The following PDZRN4 variants were observed in gnomAD, a reference collection of about 807,000 sequenced individuals.
PDZRN4 encodes the protein PDZ domain containing ring finger 4, also known as PDZ domain-containing RING finger protein 4.
Under a neutral mutation model 99.0 loss-of-function variants are expected in PDZRN4, and 70 were observed. That is an observed-to-expected ratio of 0.71 (90% confidence interval 0.58 to 0.86). The LOEUF (loss-of-function observed/expected upper bound fraction) is 0.86, where lower values mean the gene tolerates loss of function less well. Ranked by LOEUF, PDZRN4 falls within the 40% of genes least tolerant of loss-of-function variation. The probability of loss-of-function intolerance (pLI) is 0.00; values close to 1 mark genes in which losing one functional copy is unlikely to be tolerated. For synonymous variants in PDZRN4, 551 were observed against 501.6 expected, an observed-to-expected ratio of 1.10 and a Z score of -1.32; for missense variants, 1,474 against 1,331.2, an observed-to-expected ratio of 1.11 and a Z score of -1.67.
intron 3 of PDZRN4, among the ~76,000 whole-genome samples, chr12:41,362,687 A>G (rs2121061532): frequency 6.6e-6 from 1 of 152,206 alleles, no homozygotes; most frequent in Admixed American, 6.6e-5. Context: ...TAGCAAAGGC[A>G]TGTAATCTGC....
intron 3 of PDZRN4, among the ~76,000 whole-genome samples, chr12:41,233,809 GA>G (rs1436227548): frequency 2.0e-5 from 3 of 151,850 alleles, no homozygotes; most frequent in Non-Finnish European, 4.4e-5. Flanking sequence ...GAGCGGGGGG[GA>G]GATAGCATTA....
chr12:41,527,176 C>A (rs1329911561), intron 5 of PDZRN4, among the ~76,000 whole-genome samples: 2 of 152,148 alleles, frequency 1.3e-5, no homozygotes, highest in African/African-American at 4.8e-5. Context: ...TTTGACCAGG[C>A]AGACATTTAA....
At chr12:41,505,984 C>T (rs1938198455) in intron 3 of PDZRN4, among the ~76,000 whole-genome samples, 1 of 152,066 alleles carries the variant, frequency 6.6e-6, no homozygotes, top group Admixed American at 6.6e-5. Flanking sequence ...TGGGCAATAA[C>T]ATGGTCTTGG....
At chr12:41,500,255 G>A (rs1040918407) in intron 3 of PDZRN4, among the ~76,000 whole-genome samples, 1 of 151,810 alleles carries the variant, frequency 6.6e-6, no homozygotes, top group Admixed American at 6.6e-5. Context: ...AAAGCCAGCT[G>A]CCTGGCAAAG....
intron 3 of PDZRN4, among the ~76,000 whole-genome samples, chr12:41,318,792 G>A (rs1565550492): frequency 6.6e-6 from 1 of 152,122 alleles, no homozygotes; most frequent in Non-Finnish European, 1.5e-5. Context: ...GGAGTAGGAA[G>A]TCTCTTCCTG....
intron 3 of PDZRN4, among the ~76,000 whole-genome samples, chr12:41,235,351 C>A (rs1951058935): frequency 6.6e-6 from 1 of 151,952 alleles, no homozygotes; most frequent in South Asian, 2.1e-4. Context: ...TGAAACAAAA[C>A]TAAAAACAAT....
chr12:41,573,244 CA>C lies in PDZRN4; in HGVS notation c.2466del (p.Val823SerfsTer34), dbSNP rs1743197334. 6.2e-7 allele frequency: 1 copy of C among 1,613,958 alleles called. No homozygotes were observed. The highest frequency in any genetic ancestry group is 8.5e-7 in the Non-Finnish European group (1 of 1,180,030). On this transcript the variant is annotated frameshift_variant, in exon 10 of 10. Transcript: ENST00000402685. LOFTEE classifies it high-confidence loss of function. ...EGSKLPDQEK[A>X]VSEHIPYLSP... ...AGCAAGCTTCCTGATCAAGAGAAGG[CA>C]GTCAGCGAACACATCCCTTACCTCT... is the stretch of plus-strand genomic sequence containing the variant.
intron 3 of PDZRN4, among the ~76,000 whole-genome samples, chr12:41,400,580 A>G (rs1015703376): frequency 1.3e-5 from 2 of 152,162 alleles, no homozygotes; most frequent in African/African-American, 4.8e-5. Context: ...ACTATCACAA[A>G]GCCCTAAAAT....
At chr12:41,461,310 C>A (rs1444244594) in intron 3 of PDZRN4, among the ~76,000 whole-genome samples, 1 of 152,072 alleles carries the variant, frequency 6.6e-6, no homozygotes, top group East Asian at 1.9e-4. Flanking sequence ...TATTTCACCA[C>A]CCAGGTATTA....
Position 41,572,402 on chromosome 12 carries a change from T to C in PDZRN4, c.1623T>C (p.Thr541=). ...KQEEEEGTTD[T]ATSSSNNHEK... Reference sequence around the variant, plus strand: ...AAGAAGAAGAAGGCACAACAGACACTGCAACATCCTCATCCAACAACCATG... The same window carrying C: ...AAGAAGAAGAAGGCACAACAGACACCGCAACATCCTCATCCAACAACCATG... The change falls in exon 10 of 10, where the codon ACT becomes ACC. Residue 541 remains threonine (T), a synonymous_variant. Transcript: ENST00000402685. 1 of 1,614,016 alleles carries C rather than the reference T, an allele frequency of 6.2e-7. No individual in the cohort carries two copies. Among genetic ancestry groups the C allele is most frequent in the Non-Finnish European group, 8.5e-7 (1 of 1,179,952 alleles).
At chr12:41,382,630 A>G (rs938170298) in intron 3 of PDZRN4, among the ~76,000 whole-genome samples, 3 of 152,180 alleles carry the variant, frequency 2.0e-5, no homozygotes, top group Admixed American at 2.0e-4. Flanking sequence ...CTAATCAGCA[A>G]TCTCTCTGCC....
At chr12:41,267,960 A>C (rs1471938318) in intron 3 of PDZRN4, among the ~76,000 whole-genome samples, 1 of 152,218 alleles carries the variant, frequency 6.6e-6, no homozygotes, top group Non-Finnish European at 1.5e-5. Flanking sequence ...TAAGGCTGCC[A>C]TTGCTTCCAT....
At chr12:41,240,665 T>A (rs1447024288) in intron 3 of PDZRN4, among the ~76,000 whole-genome samples, 1 of 152,180 alleles carries the variant, frequency 6.6e-6, no homozygotes, top group Non-Finnish European at 1.5e-5. Flanking sequence ...AAGTTCAAGG[T>A]CAAGGTGCTG....
chr12:41,529,627 A>G (rs989612313), intron 5 of PDZRN4, among the ~76,000 whole-genome samples: 1 of 152,246 alleles, frequency 6.6e-6, no homozygotes, highest in African/African-American at 2.4e-5. Context: ...TAAGTCACAA[A>G]TAACAGTTGC....
chr12:41,414,242 T>C (rs1952424179), intron 3 of PDZRN4, among the ~76,000 whole-genome samples: 1 of 152,148 alleles, frequency 6.6e-6, no homozygotes, highest in Non-Finnish European at 1.5e-5. Flanking sequence ...GCCTTTAAGA[T>C]TTTTTTCTTT....
At chr12:41,217,314 G>C (rs1950927805) in intron 3 of PDZRN4, among the ~76,000 whole-genome samples, 1 of 152,032 alleles carries the variant, frequency 6.6e-6, no homozygotes, top group South Asian at 2.1e-4. Context: ...CTCAGGTTTA[G>C]AGGGGTCCTG....
chr12:41,200,392 T>C (rs1346740086), intron 3 of PDZRN4, among the ~76,000 whole-genome samples: 1 of 152,140 alleles, frequency 6.6e-6, no homozygotes, highest in Non-Finnish European at 1.5e-5. Flanking sequence ...TTAATAAACA[T>C]TGTTTTATGT....
rs369391055 is a variant in PDZRN4, at chr12:41,287,598, C to CTCT, written c.843+93412_843+93414dup. 2.3e-3 allele frequency among the ~76,000 whole-genome samples: 356 copies of CTCT among 152,362 alleles called. 3 individuals are homozygous for CTCT. The highest frequency in any genetic ancestry group is 8.2e-3 in the African/African-American group (343 of 41,588). Reference sequence around the variant, plus strand: ...GAGGAAGTCAGAGTTCATAGAAAATCTCTTGCCTTCTTTTAGGACCTTCTG... The same window carrying CTCT: ...GAGGAAGTCAGAGTTCATAGAAAATCTCTTCTTGCCTTCTTTTAGGACCTTCTG... On this transcript the variant is annotated intron_variant, in intron 3 of 9. Coordinates refer to ENST00000402685, the MANE Select transcript of PDZRN4 (RefSeq NM_001164595.2).
At chr12:41,459,744 A>C (rs1350433) in intron 3 of PDZRN4, among the ~76,000 whole-genome samples, 1 of 152,308 alleles carries the variant, frequency 6.6e-6, no homozygotes, top group South Asian at 2.1e-4. Context: ...TTGCCTTGCA[A>C]TAAACATCAA....
Sources: allele counts gnomAD v4.1 joint callset (sites outside exome capture counted in the v4.1 genomes callset), GRCh38; gene constraint gnomAD v4.1.1; transcripts MANE v1.5; gene names NCBI Gene and HGNC (gene_info 2026-07-23, HGNC 2026-07-21).